The following KTN1 variants were observed in gnomAD, a reference collection of about 807,000 sequenced individuals.
The protein encoded by KTN1 is kinectin 1, also known as kinectin.
A neutral mutation model predicts 222.5 loss-of-function variants in KTN1; 130 were observed. The ratio of observed to expected loss-of-function variants is 0.58; its 90% CI spans 0.51 to 0.68. The LOEUF (loss-of-function observed/expected upper bound fraction) is 0.68, where lower values mean the gene tolerates loss of function less well. Among genes scored for constraint, KTN1 ranks in the 30% least tolerant of loss-of-function variants. KTN1 has a pLI of 0.00. For missense variants in KTN1, 1,508 were observed against 1,500.4 expected (o/e 1.01, Z -0.08); for synonymous variants, 512 against 496.3 (o/e 1.03, Z -0.42).
chr14:55,595,854 T>A (rs917553230), intron 1 of KTN1, among the ~76,000 whole-genome samples: 9 of 152,164 alleles, frequency 5.9e-5, no homozygotes, highest in Non-Finnish European at 1.0e-4. Flanking sequence ...TGATTTTTTT[T>A]AATAGTGACT....
At chr14:55,626,692 G>A (rs1309834920) in intron 5 of KTN1, among the ~76,000 whole-genome samples, 1 of 152,102 alleles carries the variant, frequency 6.6e-6, no homozygotes, top group African/African-American at 2.4e-5. Flanking sequence ...AAGGGTCAGG[G>A]ATGGCTGGTG....
chr14:55,599,665 C>T (rs1045275504), intron 1 of KTN1, among the ~76,000 whole-genome samples: 10 of 151,950 alleles, frequency 6.6e-5, no homozygotes, highest in African/African-American at 1.9e-4. Context: ...TTAGTAGAGA[C>T]GGGGTTTCGC....
At chr14:55,665,637 A>T (rs1418297805) in intron 33 of KTN1, among the ~76,000 whole-genome samples, 1 of 152,008 alleles carries the variant, frequency 6.6e-6, no homozygotes, top group Non-Finnish European at 1.5e-5. Context: ...AAAGAGGATG[A>T]TATATGCTGT....
At chr14:55,583,082 T>C (rs74823888) in intron 1 of KTN1, among the ~76,000 whole-genome samples, 9,193 of 152,260 alleles carry the variant, frequency 0.06, 385 homozygotes, top group South Asian at 0.09. Flanking sequence ...AATATAAGCC[T>C]TTTTCCCTCC....
At chr14:55,582,776 T>C (rs567246363) in intron 1 of KTN1, among the ~76,000 whole-genome samples, 27 of 152,298 alleles carry the variant, frequency 1.8e-4, no homozygotes, top group African/African-American at 6.3e-4. Context: ...TGACCTAATA[T>C]GTAATAAGGA....
chr14:55,599,424 G>A (rs2035603439), intron 1 of KTN1, among the ~76,000 whole-genome samples: 1 of 151,958 alleles, frequency 6.6e-6, no homozygotes, highest in South Asian at 2.1e-4. Flanking sequence ...CTTCCCAAGA[G>A]TTTTTCCTGA....
intron 11 of KTN1, 26 bp downstream of exon 11, chr14:55,637,390 T>TTA (rs1555373797): frequency 2.7e-5 from 35 of 1,320,478 alleles, no homozygotes; most frequent in East Asian, 7.5e-5. Context: ...TTTTTTTTTT[T>TTA]AAAAAAATAC....
At chr14:55,676,245 C>T (rs2141369822) in intron 41 of KTN1, among the ~76,000 whole-genome samples, 1 of 152,178 alleles carries the variant, frequency 6.6e-6, no homozygotes, top group East Asian at 1.9e-4. Context: ...TATTCATTTA[C>T]AAAGTATGTT....
intron 17 of KTN1, 36 bp from the exon 18 acceptor site, chr14:55,641,656 C>T: frequency 7.7e-7 from 1 of 1,297,580 alleles, no homozygotes; most frequent in Admixed American, 1.8e-5. Context: ...TACCTTTTTT[C>T]TTAATAAAAC....
intron 4 of KTN1, 129 bp downstream of exon 4, chr14:55,618,263 C>T (rs149459695): frequency 1.5e-6 from 1 of 668,964 alleles, no homozygotes; most frequent in African/African-American, 1.9e-5. Context: ...TGGTAGAAGA[C>T]TTATTGGTAG....
At chr14:55,591,306 C>T (rs186241110) in intron 1 of KTN1, among the ~76,000 whole-genome samples, 12 of 152,260 alleles carry the variant, frequency 7.9e-5, no homozygotes, top group Non-Finnish European at 1.3e-4. Flanking sequence ...TTATGCTAAT[C>T]GCTAGTGAGT....
intron 1 of KTN1, among the ~76,000 whole-genome samples, chr14:55,589,580 G>T (rs2033705624): frequency 6.6e-6 from 1 of 150,858 alleles, no homozygotes; most frequent in Non-Finnish European, 1.5e-5. Flanking sequence ...AAAGTGCTGA[G>T]ATTACAGGCA....
intron 28 of KTN1, among the ~76,000 whole-genome samples, chr14:55,654,656 A>G (rs2043279670): frequency 6.6e-6 from 1 of 151,898 alleles, no homozygotes; most frequent in Admixed American, 6.6e-5. Context: ...AACATCTTGC[A>G]TTAGCATGGT....
At chr14:55,673,076 T>G in intron 39 of KTN1, 64 bp downstream of exon 39, 1 of 1,509,056 alleles carries the variant, frequency 6.6e-7, no homozygotes, top group East Asian at 2.3e-5. Context: ...AACAGTGATA[T>G]TTCAGTATAA....
In KTN1 at chr14:55,660,311, C is replaced by T. The variant is rs186015602; in HGVS notation, c.2999+608C>T. On this transcript the variant is annotated intron_variant, in intron 31 of 43. Coordinates refer to ENST00000395314, the MANE Select transcript of KTN1 (RefSeq NM_001079521.2). The stretch of plus-strand genomic sequence containing the variant: ...GAGGATCTTTTTAGCCCAGGAAGTT[C>T]GCACCATTGCACTCCAGCCTGGCAC... Among the ~76,000 whole-genome samples, 555 of 150,524 alleles carry T rather than the reference C, an allele frequency of 3.7e-3. 1 individual carries two copies. The highest frequency in any genetic ancestry group is 6.0e-3 in the Non-Finnish European group (408 of 67,816).
intron 29 of KTN1, among the ~76,000 whole-genome samples, chr14:55,658,233 A>G (rs999015182): frequency 1.3e-5 from 2 of 152,140 alleles, no homozygotes; most frequent in African/African-American, 4.8e-5. Flanking sequence ...CACAACAAAG[A>G]AAAATATGAA....
At position 55,653,609 on chromosome 14, in the gene KTN1, T is replaced by C; in HGVS notation, c.2801+13T>C. On this transcript the variant is annotated intron_variant, in intron 28 of 43. Coordinates refer to ENST00000395314, the MANE Select transcript of KTN1 (RefSeq NM_001079521.2). ...AACTTGAGATTGTGTAAGTATGCTT[T>C]AAGACCACATTTTGAAGAGAAACAA... is the stretch of plus-strand genomic sequence containing the variant. 1 of 1,596,498 alleles carries C rather than the reference T, an allele frequency of 6.3e-7. No homozygotes were observed. The highest frequency in any genetic ancestry group is 2.2e-5 in the East Asian group (1 of 44,630).
intron 1 of KTN1, among the ~76,000 whole-genome samples, chr14:55,600,212 A>ACACCTAAG (rs1329018423): frequency 2.6e-5 from 4 of 151,626 alleles, no homozygotes; most frequent in Non-Finnish European, 5.9e-5. Flanking sequence ...CTAAGGTGAT[A>ACACCTAAG]CACCTAAGAG....
chr14:55,652,805 G>T, intron 25 of KTN1, 45 bp from the exon 26 acceptor site: 1 of 1,394,974 alleles, frequency 7.2e-7, no homozygotes, highest in South Asian at 1.3e-5. Flanking sequence ...GCTTTTTATG[G>T]TCATGTAACA....
Sources: gnomAD v4.1 joint callset for allele counts (sites outside exome capture counted in the v4.1 genomes callset) on GRCh38, gnomAD v4.1.1 for gene constraint, MANE v1.5 for transcripts, NCBI Gene and HGNC (gene_info 2026-07-23, HGNC 2026-07-21) for gene names.